The following KCNAB3 variants were observed in gnomAD, a reference collection of about 807,000 sequenced individuals.
KCNAB3 encodes the protein voltage-gated potassium channel subunit beta-3.
KCNAB3 carries 62 observed loss-of-function variants against 67.7 expected under a neutral mutation model. The ratio of observed to expected loss-of-function variants is 0.92; its 90% CI spans 0.75 to 1.13. The LOEUF is 1.13. KCNAB3 is among the 50% of genes most tolerant of loss of function. The pLI is 0.00. For synonymous variants in KCNAB3, 212 were observed against 205.4 expected, an observed-to-expected ratio of 1.03 and a Z score of -0.27; for missense variants, 514 against 522.9, an observed-to-expected ratio of 0.98 and a Z score of 0.17.
In KCNAB3 at chr17:7,923,515, A is replaced by C. The variant is rs749644263; in HGVS notation, c.1078T>G (p.Ser360Ala). 6.2e-7 allele frequency: 1 copy of C among 1,612,522 alleles called. No individual in the cohort carries two copies. Among genetic ancestry groups the C allele is most frequent in the Admixed American group, 1.7e-5 (1 of 59,918 alleles). ...GCACTCGACACCCCCAGCAAGACAG[A>C]GCTGACACCCTCACTGCGGAGACAC... ...AWCLRSEGVS[S>A]VLLGVSSAEQ... The change falls in exon 13 of 14, where the codon TCT becomes GCT. Residue 360 changes from serine (S) to alanine (A), a missense_variant. Physicochemically the swap from Ser to Ala is moderately conservative, Grantham distance 99 (BLOSUM62 1). Coordinates refer to ENST00000303790, the MANE Select transcript of KCNAB3 (RefSeq NM_004732.4).
Position 7,924,225 on chromosome 17 carries a change from GGA to G in KCNAB3, c.750_751del (p.Pro251SerfsTer3), listed in dbSNP as rs764359053. ...ATGGTGCTCCGCTTGTTCACACACT[GGA>G]GGAATCAGATTGAACTGTCTGGCCA... is the stretch of plus-strand genomic sequence containing the variant. On this transcript the variant is annotated frameshift_variant, in exon 10 of 14. Coordinates refer to ENST00000303790, the MANE Select transcript of KCNAB3 (RefSeq NM_004732.4). LOFTEE classifies it high-confidence loss of function. The G allele has an allele frequency of 6.2e-7, 1 of 1,614,192 alleles. No individual in the cohort carries two copies. Among genetic ancestry groups the G allele is most frequent in the Admixed American group, 1.7e-5 (1 of 60,022 alleles).
chr17:7,929,363 G>A lies in KCNAB3; in HGVS notation c.73C>T (p.Arg25Trp), dbSNP rs1179077986. ...CCATTACCGCCCCCGGGGCCCGGCC[G>A]GGGTCCACACAGACGGTCCTCACTG... is the stretch of plus-strand genomic sequence containing the variant. ...RSSEDRLCGP[R>W]PGPGGGNGGP... The change falls in exon 1 of 14, where the codon CGG (arginine) becomes TGG (tryptophan). Residue 25 changes from arginine (R) to tryptophan (W), a missense_variant. Transcript: ENST00000303790. The surrounding 1 kb of genome is among the most constrained non-coding windows in gnomAD (Gnocchi z 5.7). 2.6e-6 allele frequency: 4 copies of A among 1,549,068 alleles called. No individual in the cohort carries two copies. Among genetic ancestry groups the A allele is most frequent in the Admixed American group, 2.0e-5 (1 of 50,992 alleles).
At position 7,929,706 on chromosome 17, in the gene KCNAB3, G is replaced by T; in HGVS notation, c.-271C>A. The T allele has an allele frequency of 7.4e-7, 1 of 1,349,324 alleles. No homozygotes were observed. Among genetic ancestry groups the T allele is most frequent in the Non-Finnish European group, 9.5e-7 (1 of 1,049,624 alleles). The allele number at this position is 1,349,324 out of a possible 1,614,324, so 83.6% of individuals were successfully genotyped here. A position where few individuals can be genotyped will look rare whatever the true frequency, so the allele number is the denominator to read the frequency against. ...GACACAGGAGCAAGGATTAGGAGGG[G>T]GAAATGGATGAGGGTAAAGGTCGAG... On this transcript the variant is annotated 5_prime_UTR_variant, in exon 1 of 14. Coordinates refer to ENST00000303790, the MANE Select transcript of KCNAB3 (RefSeq NM_004732.4). This position sits in a 1 kb window ranked among gnomAD's most constrained non-coding sequence, Gnocchi z 5.7.
rs368047666 is a variant in KCNAB3, at chr17:7,925,672, C to G, written c.538+11G>C. On this transcript the variant is annotated intron_variant, in intron 7 of 13. Transcript: ENST00000303790. ...TCCCCTCACTTTGGGTTTCCAGCCC[C>G]TAACTCTCACCCTCAATGATGTGCT... 9 of 1,614,084 alleles carry G rather than the reference C, an allele frequency of 5.6e-6. No individual in the cohort carries two copies. Among genetic ancestry groups the G allele is most frequent in the South Asian group, 5.5e-5 (5 of 91,070 alleles).
rs779768586 is a variant in KCNAB3, at chr17:7,924,263, C to T, written c.714G>A (p.Glu238=). The change falls in exon 10 of 14, where the codon GAG becomes GAA. Residue 238 remains glutamate, a splice_region_variant and synonymous_variant. Coordinates refer to ENST00000303790, the MANE Select transcript of KCNAB3 (RefSeq NM_004732.4). The part of the protein sequence containing the change: ...TSRWGAAEIM[E]AYSMARQFNL... Reference sequence around the variant, plus strand: ...TGAACTGTCTGGCCATGGAGTAGGCCTCCTGGGTTGGGGTTGGGGAAAAGA... The same window carrying T: ...TGAACTGTCTGGCCATGGAGTAGGCTTCCTGGGTTGGGGTTGGGGAAAAGA... 1.7e-5 allele frequency: 28 copies of T among 1,614,124 alleles called. No homozygotes were observed. In the East Asian group the frequency reaches 5.6e-4, roughly 32 times the overall value.
chr17:7,929,543 G>A lies in KCNAB3; in HGVS notation c.-108C>T, dbSNP rs1972358083. 16 of 1,511,918 alleles carry A rather than the reference G, an allele frequency of 1.1e-5. No homozygotes were observed. Among genetic ancestry groups the A allele is most frequent in the African/African-American group, 1.4e-5 (1 of 72,272 alleles). 93.7% of individuals were successfully genotyped at this position (1,511,918 alleles called of 1,614,324 possible). A position where few individuals can be genotyped will look rare whatever the true frequency, so the allele number is the denominator to read the frequency against. On this transcript the variant is annotated 5_prime_UTR_variant, in exon 1 of 14. Transcript: ENST00000303790. The surrounding 1 kb of genome is among the most constrained non-coding windows in gnomAD (Gnocchi z 5.7). ...GTAGTGGGGCGAACCCCGGCAGAGC[G>A]GGAAGGCTGAGGAGGCTGCGGCGGG...
At position 7,929,805 on chromosome 17, in the gene KCNAB3, A is replaced by C; in HGVS notation, c.-370T>G. ...GGAGAGAGATGCCACTTCAGCGCGAACCGCTGCGGGACCCGCTGGGCTCCC... is the reference window on the plus strand; with the variant it reads ...GGAGAGAGATGCCACTTCAGCGCGACCCGCTGCGGGACCCGCTGGGCTCCC... On this transcript the variant is annotated 5_prime_UTR_variant, in exon 1 of 14. Coordinates refer to ENST00000303790, the MANE Select transcript of KCNAB3 (RefSeq NM_004732.4). The surrounding 1 kb of genome is among the most constrained non-coding windows in gnomAD (Gnocchi z 5.7). 3.9e-6 allele frequency: 4 copies of C among 1,034,848 alleles called. No individual in the cohort carries two copies. The highest frequency in any genetic ancestry group is 9.5e-5 in the East Asian group (1 of 10,546). 64.1% of individuals were successfully genotyped at this position (1,034,848 alleles called of 1,614,324 possible).
chr17:7,925,552 GA>G, intron 7 of KCNAB3, 130 bp downstream of exon 7: 1 of 552,704 alleles, frequency 1.8e-6, no homozygotes, highest in Non-Finnish European at 3.2e-6. Flanking sequence ...AAAAAAAAAA[GA>G]ATTCAGACCT....
intron 7 of KCNAB3, 170 bp from the exon 8 acceptor site, chr17:7,925,353 C>T: frequency 1.7e-6 from 1 of 590,416 alleles, no homozygotes; most frequent in Non-Finnish European, 3.0e-6. Flanking sequence ...CGTGGTGAAA[C>T]CCCATTTCTA....
Position 7,926,119 on chromosome 17 carries a change from G to A in KCNAB3, c.405-16C>T. On this transcript the variant is annotated splice_polypyrimidine_tract_variant and intron_variant, in intron 4 of 13. Transcript: ENST00000303790. ...TCTTTCAGCCCTAAAAGAAACATAA[G>A]GCAGAGCCACTGATCCCTTCTAGGC... 6.2e-7 allele frequency: 1 copy of A among 1,614,052 alleles called. No individual in the cohort carries two copies. Among genetic ancestry groups the A allele is most frequent in the Non-Finnish European group, 8.5e-7 (1 of 1,179,976 alleles).
chr17:7,929,620 G>A lies in KCNAB3; in HGVS notation c.-185C>T, dbSNP rs1470610623. On this transcript the variant is annotated 5_prime_UTR_variant, in exon 1 of 14. Transcript: ENST00000303790. This position sits in a 1 kb window ranked among gnomAD's most constrained non-coding sequence, Gnocchi z 5.7. ...GGGGCGGGCTGCTGGAGGTCGCGAGGTTTGCGGCGGGAGGGAAGAAACGTG... is the reference window on the plus strand; with the variant it reads ...GGGGCGGGCTGCTGGAGGTCGCGAGATTTGCGGCGGGAGGGAAGAAACGTG... The A allele has an allele frequency of 7.0e-6, 10 of 1,431,164 alleles. No individual in the cohort carries two copies. In the East Asian group the frequency reaches 7.8e-5, roughly 11 times the overall value. The allele number at this position is 1,431,164 out of a possible 1,614,324, so 88.7% of individuals were successfully genotyped here.
Position 7,929,741 on chromosome 17 carries a change from A to C in KCNAB3, c.-306T>G. On this transcript the variant is annotated 5_prime_UTR_variant, in exon 1 of 14. Coordinates refer to ENST00000303790, the MANE Select transcript of KCNAB3 (RefSeq NM_004732.4). This position sits in a 1 kb window ranked among gnomAD's most constrained non-coding sequence, Gnocchi z 5.7. Reference sequence around the variant, plus strand: ...GAGGGTAAAGGTCGAGGATGAGGTAAAGGTCTCGGAGGATAAGGACCCAGG... The same window carrying C: ...GAGGGTAAAGGTCGAGGATGAGGTACAGGTCTCGGAGGATAAGGACCCAGG... 4.1e-6 allele frequency: 5 copies of C among 1,218,716 alleles called. No individual in the cohort carries two copies. Among genetic ancestry groups the C allele is most frequent in the African/African-American group, 1.6e-5 (1 of 60,718 alleles). The allele number at this position is 1,218,716 out of a possible 1,614,324, so 75.5% of individuals were successfully genotyped here.
Position 7,925,995 on chromosome 17 carries a change from A to G in KCNAB3, c.450-20T>C, listed in dbSNP as rs372432389. On this transcript the variant is annotated intron_variant, in intron 5 of 13. Coordinates refer to ENST00000303790, the MANE Select transcript of KCNAB3 (RefSeq NM_004732.4). ...GATCTCCTGGAAGAATAGAAATGGG[A>G]GAACCAGTAAGAAAAGGATTTTTGG... 2 of 1,614,132 alleles carry G rather than the reference A, an allele frequency of 1.2e-6. No individual in the cohort carries two copies. Among genetic ancestry groups the G allele is most frequent in the African/African-American group, 1.3e-5 (1 of 75,012 alleles).
Position 7,927,790 on chromosome 17 carries a change from A to G in KCNAB3, c.279T>C (p.Leu93=), listed in dbSNP as rs137907588. Residue 93 remains leucine (L), a synonymous_variant, in exon 2 of 14, where the codon CTT becomes CTC. Coordinates refer to ENST00000303790, the MANE Select transcript of KCNAB3 (RefSeq NM_004732.4). ...ATCCCTATTCTGACTCACCTAGGCC[A>G]AGACAGGATACCCGAAGACCAGACT... ...LGKSGLRVSC[L]GLGTWVTFGS... The G allele has an allele frequency of 1.6e-4, 263 of 1,614,188 alleles. No homozygotes were observed. The highest frequency in any genetic ancestry group is 4.9e-4 in the Middle Eastern group (3 of 6,062).
Position 7,925,100 on chromosome 17 carries a change from C to G in KCNAB3, c.622G>C (p.Glu208Gln), listed in dbSNP as rs762058227. The G allele has an allele frequency of 2.5e-6, 4 of 1,613,300 alleles. No homozygotes were observed. Among genetic ancestry groups the G allele is most frequent in the African/African-American group, 1.3e-5 (1 of 74,878 alleles). ...GGTTTGGGGGTGCTGCTTTTACCCT[C>G]CATAGGACAGTTGGGGTCTGAGCGA... is the stretch of plus-strand genomic sequence containing the variant. ...ANRSDPNCPM[E>Q]EIVRAMTYVI... Residue 208 changes from glutamate (E) to glutamine (Q), a missense_variant, in exon 8 of 14, where the codon GAG becomes CAG. By Grantham distance (29) the Glu-to-Gln change is conservative. Coordinates refer to ENST00000303790, the MANE Select transcript of KCNAB3 (RefSeq NM_004732.4).
Position 7,927,335 on chromosome 17 carries a change from A to G in KCNAB3, c.404+9T>C. On this transcript the variant is annotated intron_variant, in intron 4 of 13. Coordinates refer to ENST00000303790, the MANE Select transcript of KCNAB3 (RefSeq NM_004732.4). ...AAATGGAGCTTAGCTCTTTCACCCC[A>G]GTCCTTACTTTCCTGCTGCGTACAC... The G allele has an allele frequency of 1.2e-6, 2 of 1,612,792 alleles. No homozygotes were observed. The highest frequency in any genetic ancestry group is 1.7e-6 in the Non-Finnish European group (2 of 1,179,270).
intron 3 of KCNAB3, 99 bp from the exon 4 acceptor site, chr17:7,927,522 C>T: frequency 2.0e-6 from 3 of 1,500,112 alleles, no homozygotes; most frequent in Non-Finnish European, 2.8e-6. Flanking sequence ...TCTCTAGTCT[C>T]TCCCCTCTCC....
In KCNAB3 at chr17:7,929,213, C is replaced by T. The variant is rs1972341804; in HGVS notation, c.223G>A (p.Gly75Ser). Residue 75 changes from glycine (G) to serine (S), a missense_variant, in exon 1 of 14, where the codon GGC becomes AGC. Coordinates refer to ENST00000303790, the MANE Select transcript of KCNAB3 (RefSeq NM_004732.4). This position sits in a 1 kb window ranked among gnomAD's most constrained non-coding sequence, Gnocchi z 5.7. ...AGALRESTGR[G>S]TGMKYRNLGK... ...CCATACCTGTATTTCATGCCAGTGC[C>T]TCGGCCGGTGCTCTCTCGGAGGGCC... 1 of 1,611,818 alleles carries T rather than the reference C, an allele frequency of 6.2e-7. No homozygotes were observed. The highest frequency in any genetic ancestry group is 1.3e-5 in the African/African-American group (1 of 74,838).
intron 8 of KCNAB3, 28 bp downstream of exon 8, chr17:7,925,069 C>T (rs558875851): frequency 8.7e-6 from 14 of 1,601,556 alleles, no homozygotes; most frequent in Non-Finnish European, 1.1e-5. Context: ...TTTTGAAGGA[C>T]TGTAAGGTTT....
Sources: allele counts gnomAD v4.1 joint callset, GRCh38; gene constraint gnomAD v4.1.1; non-coding constraint Gnocchi (gnomAD v3.1); transcripts MANE v1.5; gene names NCBI Gene and HGNC (gene_info 2026-07-23, HGNC 2026-07-21).